Variants in RASGRF2 observed in about 807,000 individuals in gnomAD.
RASGRF2 encodes Ras protein specific guanine nucleotide releasing factor 2.
In RASGRF2, 76 loss-of-function variants were observed where a neutral mutation model predicts 151.0. That is an observed-to-expected ratio of 0.50 (90% confidence interval 0.42 to 0.61). RASGRF2 has a LOEUF of 0.61. Among genes scored for constraint, RASGRF2 ranks in the 20% least tolerant of loss-of-function variants. The pLI is 0.00. For synonymous variants in RASGRF2, 504 were observed against 566.5 expected (o/e 0.89, Z 1.57); for missense variants, 1,148 against 1,564.6 (o/e 0.73, Z 4.49).
At chr5:81,160,290 G>T (rs1305519592) in intron 17 of RASGRF2, among the ~76,000 whole-genome samples, 1 of 152,044 alleles carries the variant, frequency 6.6e-6, no homozygotes, top group African/African-American at 2.4e-5. Flanking sequence ...GCATGGTGGC[G>T]CACGCCTGTA....
chr5:81,086,844 C>T lies in RASGRF2; in HGVS notation c.1281C>T (p.His427=), dbSNP rs1178379257. ...SKLEELSRVM[H]DEVSDTENIR... ...CTGTGTTGTGTCACAGAGTAATGCA[C>T]GATGAAGTCAGCGACACTGAAAACA... Residue 427 remains histidine (H), a synonymous_variant, in exon 9 of 27, where the codon CAC becomes CAT. Transcript: ENST00000265080. 3.1e-6 allele frequency: 5 copies of T among 1,612,218 alleles called. No homozygotes were observed. The highest frequency in any genetic ancestry group is 2.2e-5 in the East Asian group (1 of 44,878).
In RASGRF2 at chr5:81,151,385, CTT is replaced by C. The variant is rs34158947; in HGVS notation, c.2686+24238_2686+24239del. Among the ~76,000 whole-genome samples the C allele has an allele frequency of 1.8e-3, 242 of 134,610 alleles. 2 individuals are homozygous for C. The East Asian group carries it at 0.022, about 12-fold the overall frequency. 88.3% of individuals were successfully genotyped at this position (134,610 alleles called of 152,430 possible). ...TTTTGGTCCACAGGAAAACTGGTAC[CTT>C]TTTTTTTTTTTTTTTGAGATGGAGT... On this transcript the variant is annotated intron_variant, in intron 17 of 26. Coordinates refer to ENST00000265080, the MANE Select transcript of RASGRF2 (RefSeq NM_006909.3).
intron 2 of RASGRF2, among the ~76,000 whole-genome samples, chr5:81,061,811 C>G (rs1263054829): frequency 1.3e-5 from 2 of 151,850 alleles, no homozygotes; most frequent in African/African-American, 2.4e-5. Flanking sequence ...CTTGGCCCCC[C>G]AAGTAGCTGG....
chr5:81,008,513 TATA>T (rs1358631722), intron 1 of RASGRF2, among the ~76,000 whole-genome samples: 10 of 152,318 alleles, frequency 6.6e-5, no homozygotes, highest in African/African-American at 1.2e-4. Context: ...TACTTAATCT[TATA>T]ATGTTATTTA....
At chr5:81,014,409 G>C (rs188241694) in intron 1 of RASGRF2, among the ~76,000 whole-genome samples, 3 of 152,356 alleles carry the variant, frequency 2.0e-5, no homozygotes, top group Admixed American at 2.0e-4. Flanking sequence ...GCAGGCAAAA[G>C]ATGAGAGCTT....
intron 2 of RASGRF2, among the ~76,000 whole-genome samples, chr5:81,065,043 T>C (rs1751559488): frequency 6.6e-6 from 1 of 152,050 alleles, no homozygotes; most frequent in East Asian, 1.9e-4. Flanking sequence ...AGCAAGGAAA[T>C]GAACTTTTCT....
At position 81,017,875 on chromosome 5, in the gene RASGRF2, A is replaced by T. The variant is rs557762036; in HGVS notation, c.289-25002A>T. The stretch of plus-strand genomic sequence containing the variant: ...CACTTTGGGAGGCCGAGGCAGGTGG[A>T]TCACTTCAGGTCAGGAGTTTGAGAC... On this transcript the variant is annotated intron_variant, in intron 1 of 26. Coordinates refer to ENST00000265080, the MANE Select transcript of RASGRF2 (RefSeq NM_006909.3). 2.6e-5 allele frequency among the ~76,000 whole-genome samples: 4 copies of T among 151,456 alleles called. No homozygotes were observed. The South Asian group carries it at 8.3e-4, about 31-fold the overall frequency.
intron 1 of RASGRF2, among the ~76,000 whole-genome samples, chr5:81,004,954 A>G (rs534831995): frequency 1.3e-5 from 2 of 152,268 alleles, no homozygotes; most frequent in East Asian, 3.9e-4. Flanking sequence ...CACCATACTG[A>G]ATTTCCAAAC....
At position 81,201,332 on chromosome 5, in the gene RASGRF2, T is replaced by C; in HGVS notation, c.2796T>C (p.Asp932=). ...LRHWVSKHAQ[D]FELNNELKMN... The stretch of plus-strand genomic sequence containing the variant: ...AAAAGATTCATTTTATTTTACAGGA[T>C]TTCGAACTCAACAATGAACTAAAGA... The change falls in exon 19 of 27, where the codon GAT becomes GAC. Residue 932 remains aspartate, a splice_region_variant and synonymous_variant. Transcript: ENST00000265080. 1 of 1,610,580 alleles carries C rather than the reference T, an allele frequency of 6.2e-7. No homozygotes were observed. Among genetic ancestry groups the C allele is most frequent in the African/African-American group, 1.3e-5 (1 of 74,694 alleles).
intron 2 of RASGRF2, among the ~76,000 whole-genome samples, chr5:81,058,511 A>G (rs1217739618): frequency 6.6e-6 from 1 of 152,208 alleles, no homozygotes; most frequent in Non-Finnish European, 1.5e-5. Flanking sequence ...TTGGGGGGAT[A>G]CCCCAGTAAG....
chr5:81,089,864 T>G (rs980100946), intron 9 of RASGRF2, among the ~76,000 whole-genome samples: 2 of 152,230 alleles, frequency 1.3e-5, no homozygotes, highest in African/African-American at 4.8e-5. Context: ...TGCAAGATTA[T>G]GATAAACTTT....
chr5:80,972,559 A>G (rs1183128014), intron 1 of RASGRF2, among the ~76,000 whole-genome samples: 1 of 151,974 alleles, frequency 6.6e-6, no homozygotes, highest in East Asian at 1.9e-4. Flanking sequence ...AGCTCACTGC[A>G]GTCTTTGCCT....
At chr5:81,188,001 G>T (rs984203716) in intron 18 of RASGRF2, among the ~76,000 whole-genome samples, 1 of 152,140 alleles carries the variant, frequency 6.6e-6, no homozygotes, top group Non-Finnish European at 1.5e-5. Context: ...CAGAATTTTC[G>T]GTGTGGGCAG....
chr5:81,000,666 C>T (rs1749051783), intron 1 of RASGRF2, among the ~76,000 whole-genome samples: 1 of 152,116 alleles, frequency 6.6e-6, no homozygotes, highest in African/African-American at 2.4e-5. Flanking sequence ...CGACTTTACC[C>T]AATGCTGGTG....
chr5:81,108,728 A>G (rs1209996441), intron 12 of RASGRF2, among the ~76,000 whole-genome samples: 1 of 152,154 alleles, frequency 6.6e-6, no homozygotes, highest in Non-Finnish European at 1.5e-5. Context: ...ATTCAGGGGA[A>G]GTACAGCTGT....
At chr5:81,109,692 G>A (rs1752944506) in intron 13 of RASGRF2, among the ~76,000 whole-genome samples, 1 of 152,118 alleles carries the variant, frequency 6.6e-6, no homozygotes. Flanking sequence ...GAAGACTTCA[G>A]TTTTGTGCCT....
At chr5:81,097,509 A>C (rs775507223) in intron 12 of RASGRF2, among the ~76,000 whole-genome samples, 97 of 152,360 alleles carry the variant, frequency 6.4e-4, no homozygotes, top group Non-Finnish European at 5.6e-4. Context: ...ATAACTAAGC[A>C]TATACTATTT....
chr5:81,055,881 T>G (rs998378024), intron 2 of RASGRF2, among the ~76,000 whole-genome samples: 2 of 152,198 alleles, frequency 1.3e-5, no homozygotes, highest in African/African-American at 4.8e-5. Context: ...GTCCAGGAAT[T>G]TATCCATTTC....
At chr5:81,207,840 G>A (rs778379552) in intron 21 of RASGRF2, among the ~76,000 whole-genome samples, 3 of 152,198 alleles carry the variant, frequency 2.0e-5, no homozygotes, top group Non-Finnish European at 4.4e-5. Context: ...CCTCCTGAGC[G>A]CTGGGGAGAA....
Sources: allele counts gnomAD v4.1 joint callset (sites outside exome capture counted in the v4.1 genomes callset), GRCh38; gene constraint gnomAD v4.1.1; transcripts MANE v1.5; gene names NCBI Gene and HGNC (gene_info 2026-07-23, HGNC 2026-07-21).